WDPCP: variants seen among roughly 807,000 people sequenced by gnomAD.
WDPCP encodes WD repeat-containing and planar cell polarity effector protein fritz homolog.
A neutral mutation model predicts 93.1 loss-of-function variants in WDPCP; 71 were observed. The ratio of observed to expected loss-of-function variants is 0.76; its 90% CI spans 0.63 to 0.93. WDPCP has a LOEUF of 0.93. Among genes scored for constraint, WDPCP ranks in the 40% least tolerant of loss-of-function variants. The probability of loss-of-function intolerance (pLI) is 0.00; values close to 1 mark genes in which losing one functional copy is unlikely to be tolerated. For missense variants in WDPCP, 844 were observed against 887.4 expected, an observed-to-expected ratio of 0.95 and a Z score of 0.62; for synonymous variants, 315 against 315.0, an observed-to-expected ratio of 1.00 and a Z score of 0.00.
At chr2:63,397,542 T>C (rs1693829178) in intron 10 of WDPCP, among the ~76,000 whole-genome samples, 5 of 152,070 alleles carry the variant, frequency 3.3e-5, no homozygotes, top group Admixed American at 3.3e-4. Context: ...GGGCTAAAAA[T>C]GGAAGCCTGG....
chr2:63,485,235 A>T (rs1323762675), intron 4 of WDPCP, among the ~76,000 whole-genome samples: 1 of 151,854 alleles, frequency 6.6e-6, no homozygotes, highest in African/African-American at 2.4e-5. Context: ...TCCCTGGGAA[A>T]GTTTGCTAGG....
Position 63,140,146 on chromosome 2 carries a change from T to A in WDPCP, c.2190+12768A>T, listed in dbSNP as rs972889568. ...GTAAGTATTTGCATTTATTTCTGGGTTCTCTATTCAGTTCCATTGATCTGT... is the reference window on the plus strand; with the variant it reads ...GTAAGTATTTGCATTTATTTCTGGGATCTCTATTCAGTTCCATTGATCTGT... On this transcript the variant is annotated intron_variant, in intron 17 of 17. Coordinates refer to ENST00000272321, the MANE Select transcript of WDPCP (RefSeq NM_015910.7). 3.3e-5 allele frequency among the ~76,000 whole-genome samples: 5 copies of A among 152,300 alleles called. No individual in the cohort carries two copies. The South Asian group carries it at 6.2e-4, about 19-fold the overall frequency.
intron 10 of WDPCP, among the ~76,000 whole-genome samples, chr2:63,383,531 A>T (rs1490262617): frequency 6.6e-6 from 1 of 152,138 alleles, no homozygotes; most frequent in Non-Finnish European, 1.5e-5. Flanking sequence ...CATGGCAAAC[A>T]TGGCAAAACA....
chr2:63,731,179 G>C (rs1255064039), intron 2 of WDPCP, among the ~76,000 whole-genome samples: 2 of 150,308 alleles, frequency 1.3e-5, no homozygotes, highest in Non-Finnish European at 2.9e-5. Context: ...TGAGGCAGGA[G>C]AATCACTTGA....
chr2:63,122,897 A>T (rs997447825), intron 17 of WDPCP, among the ~76,000 whole-genome samples: 6 of 152,140 alleles, frequency 3.9e-5, no homozygotes, highest in African/African-American at 1.4e-4. Context: ...ATATCTTAAA[A>T]GTTATTTTTA....
chr2:63,652,993 G>A (rs1575739355), intron 2 of WDPCP, among the ~76,000 whole-genome samples: 2 of 149,472 alleles, frequency 1.3e-5, no homozygotes, highest in South Asian at 4.4e-4. Flanking sequence ...ATAATAGGCA[G>A]TGCAGTACTA....
intron 3 of WDPCP, among the ~76,000 whole-genome samples, chr2:63,616,512 T>C (rs780931356): frequency 1.3e-4 from 20 of 152,160 alleles, no homozygotes; most frequent in Non-Finnish European, 2.6e-4. Flanking sequence ...ATGTGCACCT[T>C]TGAGTCTTTT....
intron 2 of WDPCP, among the ~76,000 whole-genome samples, chr2:63,679,939 G>A (rs1310603159): frequency 6.6e-6 from 1 of 152,176 alleles, no homozygotes; most frequent in African/African-American, 2.4e-5. Flanking sequence ...CCACTACAAG[G>A]TTCTAAACTG....
intron 2 of WDPCP, among the ~76,000 whole-genome samples, chr2:63,726,339 T>C (rs945047023): frequency 6.6e-6 from 1 of 151,972 alleles, no homozygotes; most frequent in African/African-American, 2.4e-5. Context: ...GTTGAACTTG[T>C]TGAAGATTAG....
chr2:63,571,102 AG>A (rs1707463069), intron 1 of WDPCP, among the ~76,000 whole-genome samples: 1 of 151,630 alleles, frequency 6.6e-6, no homozygotes, highest in East Asian at 1.9e-4. Context: ...CAGTAGAGAC[AG>A]GGTTTCACCG....
At chr2:63,545,730 A>T (rs1172600895) in intron 1 of WDPCP, among the ~76,000 whole-genome samples, 1 of 152,028 alleles carries the variant, frequency 6.6e-6, no homozygotes, top group Non-Finnish European at 1.5e-5. Context: ...TTCATGGACC[A>T]CAGTGTATTC....
intron 3 of WDPCP, chr2:63,607,096 A>T: frequency 8.7e-7 from 1 of 1,149,216 alleles, no homozygotes; most frequent in Non-Finnish European, 1.2e-6. Flanking sequence ...GTGAAAAACA[A>T]CACATTTTAA....
At chr2:63,327,929 G>C (rs1191541631) in intron 12 of WDPCP, among the ~76,000 whole-genome samples, 1 of 152,152 alleles carries the variant, frequency 6.6e-6, no homozygotes, top group East Asian at 1.9e-4. Context: ...GGCCTAAAGA[G>C]TTCCCCTCTG....
At chr2:63,632,752 A>C (rs979104275) in intron 3 of WDPCP, among the ~76,000 whole-genome samples, 1 of 152,200 alleles carries the variant, frequency 6.6e-6, no homozygotes, top group East Asian at 1.9e-4. Context: ...CAATGTATAC[A>C]TTATGGGAGT....
chr2:63,310,821 T>C (rs1686130403), intron 13 of WDPCP, among the ~76,000 whole-genome samples: 1 of 152,174 alleles, frequency 6.6e-6, no homozygotes, highest in South Asian at 2.1e-4. Context: ...ATCACACCAC[T>C]GCATTCCAAC....
chr2:63,517,859 C>G (rs778790083), intron 1 of WDPCP: 1 of 152,128 alleles, frequency 6.6e-6, no homozygotes, highest in Non-Finnish European at 1.5e-5. Context: ...CACACACACA[C>G]AGCATTATTT....
chr2:63,659,616 C>G (rs1272087210), intron 2 of WDPCP, among the ~76,000 whole-genome samples: 1 of 152,206 alleles, frequency 6.6e-6, no homozygotes, highest in Non-Finnish European at 1.5e-5. Context: ...GGATTCTCCT[C>G]TAGAGCCTTG....
At chr2:63,802,103 T>G (rs547833874) in intron 2 of WDPCP, among the ~76,000 whole-genome samples, 1 of 152,040 alleles carries the variant, frequency 6.6e-6, no homozygotes, top group Non-Finnish European at 1.5e-5. Context: ...CTCCTCTATT[T>G]TTTCTGAATG....
chr2:63,198,861 G>T (rs936465710), intron 14 of WDPCP, among the ~76,000 whole-genome samples: 1 of 152,168 alleles, frequency 6.6e-6, no homozygotes, highest in East Asian at 1.9e-4. Flanking sequence ...GGAACAGTTT[G>T]GAGGGCTCAG....
Sources: allele counts gnomAD v4.1 joint callset (sites outside exome capture counted in the v4.1 genomes callset), GRCh38; gene constraint gnomAD v4.1.1; transcripts MANE v1.5; gene names NCBI Gene and HGNC (gene_info 2026-07-23, HGNC 2026-07-21).